The following NUDCD3 variants were observed in gnomAD, a reference collection of about 807,000 sequenced individuals.
NUDCD3 encodes the protein NudC domain containing 3.
NUDCD3 carries 13 observed loss-of-function variants against 39.7 expected under a neutral mutation model. That is an observed-to-expected ratio of 0.33 (90% CI 0.21 to 0.52). The LOEUF is 0.52. NUDCD3 is among the 20% of genes least tolerant of loss of function. The probability of loss-of-function intolerance (pLI) is 0.96; values close to 1 mark genes in which losing one functional copy is unlikely to be tolerated. For synonymous variants in NUDCD3, 175 were observed against 172.4 expected (o/e 1.02, Z -0.12); for missense variants, 453 against 458.1 (o/e 0.99, Z 0.10).
chr7:44,402,268 C>T (rs1030945336), intron 4 of NUDCD3, among the ~76,000 whole-genome samples: 1 of 152,124 alleles, frequency 6.6e-6, no homozygotes, highest in Non-Finnish European at 1.5e-5. Flanking sequence ...AGAGCCTGGC[C>T]CAAAGACTGT....
intron 1 of NUDCD3, chr7:44,485,585 C>T (rs1420606967): frequency 3.8e-6 from 1 of 265,072 alleles, no homozygotes; most frequent in Non-Finnish European, 7.2e-6. Context: ...AGACCCCAGT[C>T]TTGTTCACAA....
At chr7:44,474,348 C>A (rs936531787) in intron 2 of NUDCD3, among the ~76,000 whole-genome samples, 2 of 152,116 alleles carry the variant, frequency 1.3e-5, no homozygotes, top group Non-Finnish European at 2.9e-5. Context: ...GCAAATAAAT[C>A]CTCAGTTAGT....
intron 3 of NUDCD3, among the ~76,000 whole-genome samples, chr7:44,407,627 A>G (rs1180389287): frequency 6.6e-6 from 1 of 151,770 alleles, no homozygotes. Context: ...AAAAACAGGC[A>G]GATGAAAACA....
rs375986498 is a variant in NUDCD3 at position 44,392,164 on chromosome 7, G to T, written c.975+133C>A. On this transcript the variant is annotated intron_variant, in intron 5 of 5. Coordinates refer to ENST00000355451, the MANE Select transcript of NUDCD3 (RefSeq NM_015332.4). ...GCAGGTAAGACAGGTTCCTTGCTAG[G>T]CTAGGACATGGCAGGAAGCTGGTCC... is the stretch of plus-strand genomic sequence containing the variant. The T allele has an allele frequency of 2.3e-5, 18 of 797,490 alleles. No individual in the cohort carries two copies. In the African/African-American group the frequency reaches 2.4e-4, roughly 11 times the overall value. The allele number at this position is 797,490 out of a possible 1,614,324, so 49.4% of individuals were successfully genotyped here.
At chr7:44,438,574 C>G (rs538761608) in intron 2 of NUDCD3, among the ~76,000 whole-genome samples, 18 of 147,856 alleles carry the variant, frequency 1.2e-4, no homozygotes, top group Non-Finnish European at 2.5e-4. Context: ...AAGACCCCCC[C>G]ACCCCACCCC....
intron 3 of NUDCD3, among the ~76,000 whole-genome samples, chr7:44,410,840 G>A (rs1268330920): frequency 6.6e-6 from 1 of 151,936 alleles, no homozygotes; most frequent in Non-Finnish European, 1.5e-5. Context: ...GGTGGTGCGT[G>A]CCTGTAGTTC....
chr7:44,490,177 T>C (rs1268472617), intron 1 of NUDCD3: 2 of 508,110 alleles, frequency 3.9e-6, no homozygotes, highest in Admixed American at 7.7e-5. Context: ...AGTAGGGCTC[T>C]TAACAGTCGG....
At chr7:44,443,607 C>T (rs560640695) in intron 2 of NUDCD3, among the ~76,000 whole-genome samples, 1,712 of 152,244 alleles carry the variant, frequency 0.011, 19 homozygotes, top group Non-Finnish European at 0.016. Flanking sequence ...GACGGGGTTT[C>T]GCCATGTTGG....
At chr7:44,486,827 C>A (rs984914304) in intron 1 of NUDCD3, among the ~76,000 whole-genome samples, 1 of 152,196 alleles carries the variant, frequency 6.6e-6, no homozygotes, top group Non-Finnish European at 1.5e-5. Context: ...CCTTCTCTGA[C>A]CTACCCATTC....
chr7:44,448,438 T>C (rs552962302), intron 2 of NUDCD3, among the ~76,000 whole-genome samples: 2 of 152,164 alleles, frequency 1.3e-5, no homozygotes, highest in East Asian at 1.9e-4. Context: ...GCCGGAGAGA[T>C]AGTAACTGTG....
At chr7:44,444,986 C>T (rs549239745) in intron 2 of NUDCD3, among the ~76,000 whole-genome samples, 1 of 152,340 alleles carries the variant, frequency 6.6e-6, no homozygotes, top group East Asian at 1.9e-4. Context: ...ACTTGCCTTT[C>T]TGAATTTCTG....
At chr7:44,443,004 C>T (rs921788277) in intron 2 of NUDCD3, among the ~76,000 whole-genome samples, 2 of 152,136 alleles carry the variant, frequency 1.3e-5, no homozygotes, top group Non-Finnish European at 2.9e-5. Flanking sequence ...ACCTGGCCTC[C>T]CCTTTTCTTT....
intron 5 of NUDCD3, 138 bp downstream of exon 5, chr7:44,392,159 G>A (rs772712242): frequency 2.4e-4 from 179 of 756,932 alleles, no homozygotes; most frequent in Non-Finnish European, 3.6e-4. Context: ...CAGGTTCCTT[G>A]CTAGGCTAGG....
In NUDCD3 at chr7:44,405,394, A is replaced by G. The variant is rs573000579; in HGVS notation, c.643-811T>C. 2.6e-5 allele frequency among the ~76,000 whole-genome samples: 4 copies of G among 152,252 alleles called. No individual in the cohort carries two copies. In the South Asian group the frequency reaches 8.3e-4, roughly 32 times the overall value. ...GGGAGTAGGGTTCCTTTTACTTCAT[A>G]TCATGTATTCCAGCCAGCAGTCTCC... On this transcript the variant is annotated intron_variant, in intron 3 of 5. Coordinates refer to ENST00000355451, the MANE Select transcript of NUDCD3 (RefSeq NM_015332.4).
chr7:44,416,448 C>T (rs1388005852), intron 3 of NUDCD3, among the ~76,000 whole-genome samples: 2 of 151,008 alleles, frequency 1.3e-5, no homozygotes, highest in Non-Finnish European at 1.5e-5. Context: ...GCCAAGATGG[C>T]GCCACCGCAC....
At chr7:44,437,883 A>G (rs1799495331) in intron 2 of NUDCD3, among the ~76,000 whole-genome samples, 1 of 152,192 alleles carries the variant, frequency 6.6e-6, no homozygotes, top group African/African-American at 2.4e-5. Flanking sequence ...AAATCAGTAT[A>G]TTTACTATAA....
chr7:44,478,340 C>T (rs758824439), intron 2 of NUDCD3, among the ~76,000 whole-genome samples: 6 of 152,126 alleles, frequency 3.9e-5, no homozygotes, highest in Non-Finnish European at 7.4e-5. Flanking sequence ...CACCCAAGGT[C>T]AGGAGTTTCA....
chr7:44,383,646 G>C lies in NUDCD3; in HGVS notation c.*2365C>G, dbSNP rs185711437. 1 of 152,376 alleles carries C rather than the reference G, an allele frequency of 6.6e-6. No individual in the cohort carries two copies. Among genetic ancestry groups the C allele is most frequent in the East Asian group, 1.9e-4 (1 of 5,188 alleles). 9.4% of individuals were successfully genotyped at this position (152,376 alleles called of 1,614,324 possible). A position where few individuals can be genotyped will look rare whatever the true frequency, so the allele number is the denominator to read the frequency against. On this transcript the variant is annotated 3_prime_UTR_variant, in exon 6 of 6. Coordinates refer to ENST00000355451, the MANE Select transcript of NUDCD3 (RefSeq NM_015332.4). ...ACCAAGGAGCTGGAATAGCTTTGCAGGCTGGACACCTCACTCTCCTCGGGC... is the reference window on the plus strand; with the variant it reads ...ACCAAGGAGCTGGAATAGCTTTGCACGCTGGACACCTCACTCTCCTCGGGC...
In NUDCD3 at chr7:44,379,152, G is replaced by A. The variant is rs1798267785; in HGVS notation, c.*6859C>T. 6.6e-6 allele frequency: 1 copy of A among 152,102 alleles called. No homozygotes were observed. Among genetic ancestry groups the A allele is most frequent in the African/African-American group, 2.4e-5 (1 of 41,344 alleles). 9.4% of individuals were successfully genotyped at this position (152,102 alleles called of 1,614,324 possible). A position where few individuals can be genotyped will look rare whatever the true frequency, so the allele number is the denominator to read the frequency against. On this transcript the variant is annotated 3_prime_UTR_variant, in exon 6 of 6. Coordinates refer to ENST00000355451, the MANE Select transcript of NUDCD3 (RefSeq NM_015332.4). ...TATACGGTTTACAAATACACGTACA[G>A]TGAAAAATGACACCATCAAGCCAGG...
Sources: gnomAD v4.1 joint callset for allele counts (sites outside exome capture counted in the v4.1 genomes callset) on GRCh38, gnomAD v4.1.1 for gene constraint, MANE v1.5 for transcripts, NCBI Gene and HGNC (gene_info 2026-07-23, HGNC 2026-07-21) for gene names.